ZDHHC17: variants seen among roughly 807,000 people sequenced by gnomAD.
The protein encoded by ZDHHC17 is palmitoyltransferase ZDHHC17.
Under a neutral mutation model 90.3 loss-of-function variants are expected in ZDHHC17, and 40 were observed. The observed-to-expected ratio is 0.44, with a 90% CI of 0.34 to 0.58. The LOEUF (loss-of-function observed/expected upper bound fraction) is 0.58. ZDHHC17 is among the 20% of genes least tolerant of loss of function. The pLI, the probability that ZDHHC17 is intolerant of heterozygous loss-of-function variation, is 0.01. For missense variants in ZDHHC17, 614 were observed against 780.8 expected (o/e 0.79, Z 2.55); for synonymous variants, 235 against 252.4 (o/e 0.93, Z 0.65).
intron 7 of ZDHHC17, chr12:76,820,994 ATAGT>A (rs1274909701): frequency 2.0e-5 from 20 of 994,374 alleles, no homozygotes; most frequent in Non-Finnish European, 2.6e-5. Flanking sequence ...CTATACAAAA[ATAGT>A]TAGATGACTG....
intron 12 of ZDHHC17, chr12:76,845,505 C>T (rs1234909009): frequency 3.5e-6 from 1 of 284,794 alleles, no homozygotes; most frequent in African/African-American, 2.2e-5. Flanking sequence ...CTAGAGTAGC[C>T]TCATTCTTTT....
At chr12:76,809,156 C>A in intron 4 of ZDHHC17, 36 bp downstream of exon 4, 2 of 1,432,262 alleles carry the variant, frequency 1.4e-6, no homozygotes, top group Non-Finnish European at 1.9e-6. Context: ...TCCTTTGGTT[C>A]CTTTATTAGT....
Position 76,780,971 on chromosome 12 carries a change from CA to C in ZDHHC17, c.94-16450del, listed in dbSNP as rs1301468887. On this transcript the variant is annotated intron_variant, in intron 1 of 16. Coordinates refer to ENST00000426126, the MANE Select transcript of ZDHHC17 (RefSeq NM_015336.4). ...TGAAACACCGTCTCTACTAAAAATA[CA>C]AAAAAAAAAAAATTACCCGGGCGTG... Among the ~76,000 whole-genome samples, 1,038 of 138,670 alleles carry C rather than the reference CA, an allele frequency of 7.5e-3. 8 individuals are homozygous for C. Among genetic ancestry groups the C allele is most frequent in the African/African-American group, 0.02 (743 of 37,844 alleles). 91.0% of individuals were successfully genotyped at this position (138,670 alleles called of 152,430 possible). A position where few individuals can be genotyped will look rare whatever the true frequency, so the allele number is the denominator to read the frequency against.
rs763269507 is a variant in ZDHHC17 at position 76,788,688 on chromosome 12, A to ATTTTTTTTTTTTTTTTTTT, written c.94-8738_94-8720dup. On this transcript the variant is annotated intron_variant, in intron 1 of 16. Transcript: ENST00000426126. Reference sequence around the variant, plus strand: ...AAAATATATTTAAGTTGGAATCGCAATTTTTTTTTTTTTTTTTTTTTTTTT... The same window carrying ATTTTTTTTTTTTTTTTTTT: ...AAAATATATTTAAGTTGGAATCGCAATTTTTTTTTTTTTTTTTTTTTTTTTTTTTTTTTTTTTTTTTTTT... Among the ~76,000 whole-genome samples the ATTTTTTTTTTTTTTTTTTT allele has an allele frequency of 3.9e-4, 38 of 98,666 alleles. 3 individuals carry two copies. Among genetic ancestry groups the ATTTTTTTTTTTTTTTTTTT allele is most frequent in the East Asian group, 1.5e-3 (4 of 2,744 alleles). The allele number at this position is 98,666 out of a possible 152,430, so 64.7% of individuals were successfully genotyped here. A position where few individuals can be genotyped will look rare whatever the true frequency, so the allele number is the denominator to read the frequency against.
chr12:76,797,428 T>C lies in ZDHHC17; in HGVS notation c.94-6T>C. Reference sequence around the variant, plus strand: ...TCTTGCCTGTGTGTGATTTTCTTTTTAACAGGAAATCAAACCCCAAAGCCA... The same window carrying C: ...TCTTGCCTGTGTGTGATTTTCTTTTCAACAGGAAATCAAACCCCAAAGCCA... On this transcript the variant is annotated splice_polypyrimidine_tract_variant and splice_region_variant and intron_variant, in intron 1 of 16. Transcript: ENST00000426126. 6 of 1,590,202 alleles carry C rather than the reference T, an allele frequency of 3.8e-6. No homozygotes were observed. The highest frequency in any genetic ancestry group is 5.1e-6 in the Non-Finnish European group (6 of 1,170,444).
intron 2 of ZDHHC17, among the ~76,000 whole-genome samples, chr12:76,798,186 T>G (rs754461862): frequency 6.6e-6 from 1 of 152,148 alleles, no homozygotes; most frequent in Non-Finnish European, 1.5e-5. Flanking sequence ...GTACACAGAT[T>G]AGAAATAAAA....
At chr12:76,835,084 T>C (rs1479015649) in intron 10 of ZDHHC17, among the ~76,000 whole-genome samples, 2 of 151,236 alleles carry the variant, frequency 1.3e-5, no homozygotes, top group Non-Finnish European at 1.5e-5. Flanking sequence ...GCAGTCTTGC[T>C]GTGTTGCCCA....
At chr12:76,782,991 A>T (rs1183146193) in intron 1 of ZDHHC17, among the ~76,000 whole-genome samples, 1 of 152,160 alleles carries the variant, frequency 6.6e-6, no homozygotes, top group Non-Finnish European at 1.5e-5. Context: ...ACTTAGCAGA[A>T]TTCTTGCAAA....
chr12:76,810,567 G>A (rs920729433), intron 5 of ZDHHC17, among the ~76,000 whole-genome samples: 9 of 151,938 alleles, frequency 5.9e-5, no homozygotes, highest in African/African-American at 1.2e-4. Context: ...AATTCTATGC[G>A]GATTTAGAAT....
At chr12:76,773,661 C>A (rs186985336) in intron 1 of ZDHHC17, among the ~76,000 whole-genome samples, 83 of 152,250 alleles carry the variant, frequency 5.5e-4, no homozygotes, top group African/African-American at 1.9e-3. Flanking sequence ...CTCTGACTCC[C>A]AAGCCCATAA....
intron 10 of ZDHHC17, 65 bp downstream of exon 10, chr12:76,828,555 A>G (rs1592491549): frequency 7.1e-7 from 1 of 1,407,222 alleles, no homozygotes; most frequent in Non-Finnish European, 1.0e-6. Flanking sequence ...TAGATGTTTA[A>G]TAATTTGACA....
rs1173532656 is a variant in ZDHHC17 at position 76,823,781 on chromosome 12, T to G, written c.897+1250T>G. On this transcript the variant is annotated intron_variant, in intron 8 of 16. Coordinates refer to ENST00000426126, the MANE Select transcript of ZDHHC17 (RefSeq NM_015336.4). ...GTTGAAAAGTCCCCTGGTCCGTTAC[T>G]TAGAAGAATTAGATTCATAGTTTAT... 2.6e-5 allele frequency among the ~76,000 whole-genome samples: 4 copies of G among 152,202 alleles called. No individual in the cohort carries two copies. The South Asian group carries it at 8.3e-4, about 31-fold the overall frequency.
chr12:76,812,348 C>A (rs1953034753), intron 5 of ZDHHC17, among the ~76,000 whole-genome samples: 1 of 152,086 alleles, frequency 6.6e-6, no homozygotes, highest in Non-Finnish European at 1.5e-5. Context: ...GCAACTCTGA[C>A]ATGCTGTTGT....
At position 76,788,630 on chromosome 12, in the gene ZDHHC17, A is replaced by G. The variant is rs142963072; in HGVS notation, c.94-8804A>G. On this transcript the variant is annotated intron_variant, in intron 1 of 16. Coordinates refer to ENST00000426126, the MANE Select transcript of ZDHHC17 (RefSeq NM_015336.4). ...ACAATAAAATGACCAAAAGATATGA[A>G]CAGGTAATTCCCAAAAGATGAACTA... Among the ~76,000 whole-genome samples, 415 of 151,724 alleles carry G rather than the reference A, an allele frequency of 2.7e-3. 5 individuals are homozygous for G. Among genetic ancestry groups the G allele is most frequent in the African/African-American group, 9.4e-3 (387 of 41,360 alleles).
chr12:76,821,877 C>T lies in ZDHHC17; in HGVS notation c.772-529C>T, dbSNP rs574461825. Among the ~76,000 whole-genome samples, 18 of 152,096 alleles carry T rather than the reference C, an allele frequency of 1.2e-4. No individual in the cohort carries two copies. The East Asian group carries it at 3.5e-3, about 29-fold the overall frequency. On this transcript the variant is annotated intron_variant, in intron 7 of 16. Transcript: ENST00000426126. Reference sequence around the variant, plus strand: ...ATTTTTTAAAATCATTTCTCGTTTACTTTGGAAACTTCTGGGTGGGTGAAT... The same window carrying T: ...ATTTTTTAAAATCATTTCTCGTTTATTTTGGAAACTTCTGGGTGGGTGAAT...
At chr12:76,770,104 T>A (rs1461826155) in intron 1 of ZDHHC17, among the ~76,000 whole-genome samples, 2 of 152,102 alleles carry the variant, frequency 1.3e-5, no homozygotes, top group East Asian at 3.8e-4. Flanking sequence ...AAAATGGGGG[T>A]ATAATAACAC....
chr12:76,764,355 C>G (rs200762312), intron 1 of ZDHHC17, 26 bp downstream of exon 1: 1 of 1,555,202 alleles, frequency 6.4e-7, no homozygotes, highest in East Asian at 2.4e-5. Context: ...GAGTGGATTC[C>G]TTGCCCTGCG....
intron 9 of ZDHHC17, among the ~76,000 whole-genome samples, chr12:76,827,266 A>G (rs1430318053): frequency 6.6e-6 from 1 of 152,162 alleles, no homozygotes; most frequent in Non-Finnish European, 1.5e-5. Flanking sequence ...TATAATTTTT[A>G]ACACTAAAAC....
At chr12:76,849,604 AC>A in intron 16 of ZDHHC17, 134 bp downstream of exon 16, 1 of 565,526 alleles carries the variant, frequency 1.8e-6, no homozygotes, top group Non-Finnish European at 3.1e-6. Flanking sequence ...GCATCAGTTC[AC>A]CATAATAACA....
Sources: allele counts gnomAD v4.1 joint callset (sites outside exome capture counted in the v4.1 genomes callset), GRCh38; gene constraint gnomAD v4.1.1; transcripts MANE v1.5; gene names NCBI Gene and HGNC (gene_info 2026-07-23, HGNC 2026-07-21).